PHKG1: variants seen among roughly 807,000 people sequenced by gnomAD.
The protein encoded by PHKG1 is phosphorylase kinase catalytic subunit gamma 1, also known as phosphorylase b kinase gamma catalytic chain, skeletal muscle/heart isoform.
Under a neutral mutation model 50.5 loss-of-function variants are expected in PHKG1, and 48 were observed. The observed-to-expected ratio is 0.95, with a 90% CI of 0.75 to 1.21. The LOEUF (loss-of-function observed/expected upper bound fraction) is 1.21. Among genes scored for constraint, PHKG1 ranks in the 50% most tolerant of loss-of-function variants. The pLI is 0.00. For synonymous variants in PHKG1, 204 were observed against 212.8 expected (o/e 0.96, Z 0.36); for missense variants, 487 against 519.5 (o/e 0.94, Z 0.61).
chr7:56,091,132 T>A (rs1167200667), intron 1 of PHKG1, among the ~76,000 whole-genome samples: 1 of 152,006 alleles, frequency 6.6e-6, no homozygotes, highest in Non-Finnish European at 1.5e-5. Flanking sequence ...GAGGATCACT[T>A]GAACCCAGGA....
chr7:56,085,658 G>T (rs914471735), intron 4 of PHKG1, among the ~76,000 whole-genome samples: 2 of 152,118 alleles, frequency 1.3e-5, no homozygotes, highest in Admixed American at 1.3e-4. Flanking sequence ...TAGATAGTCA[G>T]TGAGATCTTT....
At position 56,081,856 on chromosome 7, in the gene PHKG1, G is replaced by C; in HGVS notation, c.792+37C>G. ...CCGGGCAGGGGCGCCTGGCATCGCA[G>C]CCCTGAGCCCAGGAGCCAGTTGGCC... On this transcript the variant is annotated intron_variant, in intron 8 of 9. Coordinates refer to ENST00000297373, the MANE Select transcript of PHKG1 (RefSeq NM_006213.5). This position sits in a 1 kb window ranked among gnomAD's most constrained non-coding sequence, Gnocchi z 4.6. The C allele has an allele frequency of 3.7e-6, 6 of 1,611,562 alleles. No homozygotes were observed. The highest frequency in any genetic ancestry group is 5.1e-6 in the Non-Finnish European group (6 of 1,179,036).
chr7:56,086,094 C>T (rs191032154), intron 4 of PHKG1, among the ~76,000 whole-genome samples: 1 of 151,720 alleles, frequency 6.6e-6, no homozygotes, highest in Admixed American at 6.6e-5. Flanking sequence ...ACCTTACATC[C>T]TGCCACCCTC....
At chr7:56,086,907 T>G in intron 4 of PHKG1, 63 bp downstream of exon 4, 1 of 1,270,156 alleles carries the variant, frequency 7.9e-7, no homozygotes, top group Non-Finnish European at 1.2e-6. Flanking sequence ...GCCCTGGGGT[T>G]GGGGAGGGGA....
At chr7:56,085,212 C>A (rs1457317576) in intron 4 of PHKG1, among the ~76,000 whole-genome samples, 1 of 152,146 alleles carries the variant, frequency 6.6e-6, no homozygotes, top group Non-Finnish European at 1.5e-5. Context: ...CCGCCTGCCT[C>A]AGCCTCCCAA....
intron 6 of PHKG1, among the ~76,000 whole-genome samples, chr7:56,082,966 C>T (rs1003879212): frequency 5.9e-5 from 9 of 151,932 alleles, no homozygotes; most frequent in African/African-American, 1.5e-4. Flanking sequence ...ATTAGCCGAG[C>T]GTTGTGGCGC....
At chr7:56,091,800 G>GA (rs534856265) in intron 1 of PHKG1, among the ~76,000 whole-genome samples, 181 of 152,352 alleles carry the variant, frequency 1.2e-3, no homozygotes, top group African/African-American at 4.1e-3. Flanking sequence ...GTTACCAGAA[G>GA]AAGGTTTAGA....
chr7:56,092,558 C>A (rs1431750101), intron 1 of PHKG1, among the ~76,000 whole-genome samples: 1 of 152,158 alleles, frequency 6.6e-6, no homozygotes, highest in African/African-American at 2.4e-5. Flanking sequence ...TAGGCATGAG[C>A]CATCGCGCCT....
chr7:56,084,192 C>T lies in PHKG1; in HGVS notation c.318-477G>A, dbSNP rs540982575. ...CTGAAGTTGGTGGACTTGGGAGAGTCCCAGCCCAAGCACCATTTCTGTTCC... is the reference window on the plus strand; with the variant it reads ...CTGAAGTTGGTGGACTTGGGAGAGTTCCAGCCCAAGCACCATTTCTGTTCC... On this transcript the variant is annotated intron_variant, in intron 4 of 9. Coordinates refer to ENST00000297373, the MANE Select transcript of PHKG1 (RefSeq NM_006213.5). 125 of 1,534,972 alleles carry T rather than the reference C, an allele frequency of 8.1e-5. 1 individual carries two copies. The African/African-American group carries it at 1.5e-3, about 18-fold the overall frequency.
In PHKG1 at chr7:56,082,269, T is replaced by A; in HGVS notation, c.548-16A>T. On this transcript the variant is annotated splice_polypyrimidine_tract_variant and intron_variant, in intron 6 of 9. Transcript: ENST00000297373. ...CCGCAGACCTCTGCAGGAACAGTCATCATCAGGGCAGGTCAGCAGGGCACT... is the reference window on the plus strand; with the variant it reads ...CCGCAGACCTCTGCAGGAACAGTCAACATCAGGGCAGGTCAGCAGGGCACT... The A allele has an allele frequency of 6.2e-7, 1 of 1,603,934 alleles. No individual in the cohort carries two copies.
chr7:56,090,362 C>T (rs1368173194), intron 1 of PHKG1, among the ~76,000 whole-genome samples: 3 of 152,174 alleles, frequency 2.0e-5, no homozygotes, highest in African/African-American at 7.2e-5. Flanking sequence ...ATGATCCACA[C>T]ACCTTGGCCT....
intron 1 of PHKG1, among the ~76,000 whole-genome samples, chr7:56,091,248 G>A (rs999663623): frequency 6.6e-6 from 1 of 151,858 alleles, no homozygotes; most frequent in Non-Finnish European, 1.5e-5. Context: ...TGGGCGCAGT[G>A]GCTCATGCCT....
At chr7:56,092,033 C>CAGA (rs1160241136) in intron 1 of PHKG1, among the ~76,000 whole-genome samples, 1 of 152,230 alleles carries the variant, frequency 6.6e-6, no homozygotes, top group Non-Finnish European at 1.5e-5. Context: ...CCTCCATGAG[C>CAGA]AGAAAGTACA....
At chr7:56,090,123 T>C (rs1448773699) in intron 1 of PHKG1, among the ~76,000 whole-genome samples, 1 of 152,072 alleles carries the variant, frequency 6.6e-6, no homozygotes. Flanking sequence ...TTGTTTTTGG[T>C]GTTTTTTGTG....
intron 4 of PHKG1, among the ~76,000 whole-genome samples, chr7:56,086,615 C>T (rs999250605): frequency 1.3e-5 from 2 of 152,024 alleles, no homozygotes; most frequent in Admixed American, 6.6e-5. Flanking sequence ...CAGCCTCCCG[C>T]GTAGCTGGGG....
chr7:56,088,237 G>T (rs1257276074), intron 2 of PHKG1, among the ~76,000 whole-genome samples: 2 of 151,884 alleles, frequency 1.3e-5, no homozygotes, highest in Non-Finnish European at 2.9e-5. Flanking sequence ...GTTTCAACAT[G>T]TTGGCCAGGC....
rs150831938 is a variant in PHKG1 at position 56,087,703 on chromosome 7, C to T, written c.157G>A (p.Val53Ile). Reference sequence around the variant, plus strand: ...GGGCTGAAGCTGCCTCCACCGGTGACGTCGATGACCTTCACGGCGTACTCC... The same window carrying T: ...GGGCTGAAGCTGCCTCCACCGGTGATGTCGATGACCTTCACGGCGTACTCC... Reference protein sequence around the residue: ...SQEYAVKVIDVTGGGSFSPEE... With the variant: ...SQEYAVKVIDITGGGSFSPEE... The change falls in exon 3 of 10, where the codon GTC becomes ATC. Residue 53 changes from valine (V) to isoleucine (I), a missense_variant. Val to Ile is a conservative substitution (Grantham distance 29). Coordinates refer to ENST00000297373, the MANE Select transcript of PHKG1 (RefSeq NM_006213.5). The T allele has an allele frequency of 1.2e-4, 201 of 1,613,988 alleles. 1 individual carries two copies. In the East Asian group the frequency reaches 1.6e-3, roughly 13 times the overall value.
intron 4 of PHKG1, chr7:56,084,056 C>T: frequency 2.8e-6 from 2 of 707,098 alleles, no homozygotes; most frequent in South Asian, 3.5e-5. Flanking sequence ...TAAGTCCCCT[C>T]CCCAGGTTCC....
intron 1 of PHKG1, among the ~76,000 whole-genome samples, chr7:56,092,577 T>C (rs116791252): frequency 0.013 from 1,944 of 152,260 alleles, 42 homozygotes; most frequent in African/African-American, 0.045. Context: ...CTGCCTGGCC[T>C]GGTACTTTTT....
Sources: allele counts gnomAD v4.1 joint callset (sites outside exome capture counted in the v4.1 genomes callset), GRCh38; gene constraint gnomAD v4.1.1; non-coding constraint Gnocchi (gnomAD v3.1); transcripts MANE v1.5; gene names NCBI Gene and HGNC (gene_info 2026-07-23, HGNC 2026-07-21).